The following ST6GALNAC3 variants were observed in gnomAD, a reference collection of about 807,000 sequenced individuals.
ST6GALNAC3 encodes the protein alpha-N-acetylgalactosaminide alpha-2,6-sialyltransferase 3.
In ST6GALNAC3, 25 loss-of-function variants were observed where a neutral mutation model predicts 32.7. The observed-to-expected ratio is 0.76, with a 90% CI of 0.56 to 1.07. The LOEUF is 1.07. ST6GALNAC3 is among the 50% of genes least tolerant of loss of function. The probability of loss-of-function intolerance (pLI) is 0.00; values close to 1 mark genes in which losing one functional copy is unlikely to be tolerated. For missense variants in ST6GALNAC3, 355 were observed against 382.4 expected (o/e 0.93, Z 0.60); for synonymous variants, 129 against 133.1 (o/e 0.97, Z 0.21).
At chr1:76,168,035 G>T (rs1004414523) in intron 1 of ST6GALNAC3, among the ~76,000 whole-genome samples, 3 of 151,782 alleles carry the variant, frequency 2.0e-5, no homozygotes, top group Non-Finnish European at 4.4e-5. Flanking sequence ...CTAGCTTTGG[G>T]ATTGTTTGCT....
intron 1 of ST6GALNAC3, among the ~76,000 whole-genome samples, chr1:76,260,111 CTA>C (rs1418654359): frequency 6.6e-6 from 1 of 152,082 alleles, no homozygotes; most frequent in African/African-American, 2.4e-5. Context: ...TGATCTGTGA[CTA>C]TGGCAAGCAG....
At chr1:76,121,878 C>T (rs939337321) in intron 1 of ST6GALNAC3, among the ~76,000 whole-genome samples, 2 of 152,186 alleles carry the variant, frequency 1.3e-5, no homozygotes, top group African/African-American at 4.8e-5. Flanking sequence ...TCCTCTCTTC[C>T]ACTCTCCGCC....
chr1:76,082,548 C>A (rs1461283515), intron 1 of ST6GALNAC3, among the ~76,000 whole-genome samples: 2 of 152,198 alleles, frequency 1.3e-5, no homozygotes, highest in African/African-American at 2.4e-5. Flanking sequence ...GGATTATCTG[C>A]GCTTTCTCTA....
At chr1:76,091,403 T>C (rs1441693268) in intron 1 of ST6GALNAC3, among the ~76,000 whole-genome samples, 6 of 152,222 alleles carry the variant, frequency 3.9e-5, no homozygotes, top group Non-Finnish European at 7.3e-5. Flanking sequence ...AAGATGTAAA[T>C]TGGGAGGAGT....
chr1:76,634,722 C>T (rs1462545529), downstream of ST6GALNAC3: 1 of 54,772 alleles, frequency 1.8e-5, no homozygotes, highest in Non-Finnish European at 3.0e-5. Context: ...TTTTTTGAGA[C>T]GGAGTCTCGC....
At chr1:76,475,251 C>T (rs1479745748) in intron 3 of ST6GALNAC3, among the ~76,000 whole-genome samples, 1 of 152,158 alleles carries the variant, frequency 6.6e-6, no homozygotes, top group African/African-American at 2.4e-5. Flanking sequence ...GCGGCTTACG[C>T]TCTGTGGTCA....
At chr1:76,590,577 G>A (rs988273810) in intron 3 of ST6GALNAC3, among the ~76,000 whole-genome samples, 1 of 152,088 alleles carries the variant, frequency 6.6e-6, no homozygotes, top group Non-Finnish European at 1.5e-5. Context: ...AGCAAACAAA[G>A]ACAAACTCTC....
At chr1:76,371,695 A>G (rs1650833415) in intron 2 of ST6GALNAC3, among the ~76,000 whole-genome samples, 1 of 152,142 alleles carries the variant, frequency 6.6e-6, no homozygotes, top group African/African-American at 2.4e-5. Context: ...GAATGACAAT[A>G]TTTTATGCTT....
chr1:76,378,449 G>A (rs1248547392), intron 2 of ST6GALNAC3, among the ~76,000 whole-genome samples: 1 of 152,078 alleles, frequency 6.6e-6, no homozygotes, highest in Non-Finnish European at 1.5e-5. Context: ...ATCACCTGAG[G>A]CCAGGAGTTT....
Position 76,168,690 on chromosome 1 carries a change from T to C in ST6GALNAC3, c.18+93806T>C, listed in dbSNP as rs187321439. Among the ~76,000 whole-genome samples the C allele has an allele frequency of 2.8e-4, 42 of 152,344 alleles. No individual in the cohort carries two copies. The East Asian group carries it at 8.1e-3, about 29-fold the overall frequency. The stretch of plus-strand genomic sequence containing the variant: ...ATCTATTTAGGATAGTTAGATCTTC[T>C]TGTTGAATTGAACCCTTTATCATAT... On this transcript the variant is annotated intron_variant, in intron 1 of 4. Transcript: ENST00000328299.
chr1:76,131,124 G>T (rs559758993), intron 1 of ST6GALNAC3, among the ~76,000 whole-genome samples: 106 of 152,324 alleles, frequency 7.0e-4, no homozygotes, highest in Middle Eastern at 6.8e-3. Context: ...AGAGCCAGGG[G>T]CTGTAACTTC....
intron 2 of ST6GALNAC3, among the ~76,000 whole-genome samples, chr1:76,396,240 G>A (rs1405429147): frequency 1.3e-5 from 2 of 152,196 alleles, no homozygotes; most frequent in Non-Finnish European, 2.9e-5. Context: ...CAAGGTGGGA[G>A]GATTGCATGA....
intron 1 of ST6GALNAC3, among the ~76,000 whole-genome samples, chr1:76,236,199 C>G (rs769391301): frequency 6.6e-6 from 1 of 152,104 alleles, no homozygotes; most frequent in Non-Finnish European, 1.5e-5. Flanking sequence ...CCGCCCGCCT[C>G]GGCCTCCCAA....
chr1:76,499,103 C>T (rs1661028068), intron 3 of ST6GALNAC3, among the ~76,000 whole-genome samples: 1 of 152,040 alleles, frequency 6.6e-6, no homozygotes, highest in African/African-American at 2.4e-5. Context: ...AGGAAACATG[C>T]AATTAGTCAA....
intron 1 of ST6GALNAC3, among the ~76,000 whole-genome samples, chr1:76,235,248 G>A (rs1282921804): frequency 6.6e-6 from 1 of 152,214 alleles, no homozygotes; most frequent in African/African-American, 2.4e-5. Context: ...GCTCATGCCT[G>A]TAATCCCAGC....
chr1:76,594,627 G>A (rs1218322045), intron 3 of ST6GALNAC3, among the ~76,000 whole-genome samples: 1 of 152,192 alleles, frequency 6.6e-6, no homozygotes. Context: ...AGCTAGCTAG[G>A]TGATAGAATA....
intron 1 of ST6GALNAC3, among the ~76,000 whole-genome samples, chr1:76,160,184 T>A (rs945636155): frequency 5.9e-5 from 9 of 152,146 alleles, no homozygotes; most frequent in Admixed American, 5.9e-4. Flanking sequence ...ATATATAATG[T>A]GTTCAGGGAA....
At chr1:76,594,456 T>C (rs548718095) in intron 3 of ST6GALNAC3, among the ~76,000 whole-genome samples, 1 of 152,338 alleles carries the variant, frequency 6.6e-6, no homozygotes, top group South Asian at 2.1e-4. Flanking sequence ...AGGTCTCTAA[T>C]ACCCTCTTGT....
intron 1 of ST6GALNAC3, among the ~76,000 whole-genome samples, chr1:76,186,941 A>G (rs1368097098): frequency 6.6e-6 from 1 of 152,206 alleles, no homozygotes; most frequent in Non-Finnish European, 1.5e-5. Context: ...TCCTGAGGCA[A>G]CTGCTGCCAT....
Sources: gnomAD v4.1 joint callset for allele counts (sites outside exome capture counted in the v4.1 genomes callset) on GRCh38, gnomAD v4.1.1 for gene constraint, MANE v1.5 for transcripts, NCBI Gene and HGNC (gene_info 2026-07-23, HGNC 2026-07-21) for gene names.